Variants in FAM78B observed in about 807,000 individuals in gnomAD.
FAM78B encodes protein FAM78B.
Under a neutral mutation model 20.0 loss-of-function variants are expected in FAM78B, and 10 were observed. That is an observed-to-expected ratio of 0.50 (90% confidence interval 0.31 to 0.85). The LOEUF (loss-of-function observed/expected upper bound fraction) is 0.85. FAM78B is among the 40% of genes least tolerant of loss of function. The pLI is 0.05. For synonymous variants in FAM78B, 135 were observed against 132.8 expected (o/e 1.02, Z -0.12); for missense variants, 283 against 345.0 (o/e 0.82, Z 1.42).
chr1:166,058,372 C>T (rs959793399), exon 3 of FAM78B: 14 of 152,266 alleles, frequency 9.2e-5, no homozygotes, highest in African/African-American at 2.7e-4. Flanking sequence ...TGGTATGGGA[C>T]GCTGGAGAGG....
At position 166,164,455 on chromosome 1, in the gene FAM78B, C is replaced by T. The variant is rs1046783615; in HGVS notation, c.263+1531G>A. On this transcript the variant is annotated intron_variant, in intron 1 of 1. Coordinates refer to ENST00000354422, the MANE Select transcript of FAM78B (RefSeq NM_001017961.5). ...GTCAGTTTTTAAATGGCATGATTCG[C>T]CCCAAATAAAATATCCCCCATTTCT... is the stretch of plus-strand genomic sequence containing the variant. Among the ~76,000 whole-genome samples, 52 of 152,338 alleles carry T rather than the reference C, an allele frequency of 3.4e-4. 1 individual carries two copies. The highest frequency in any genetic ancestry group is 3.1e-3 in the Admixed American group (48 of 15,310).
intron 1 of FAM78B, among the ~76,000 whole-genome samples, chr1:166,080,496 T>A (rs552632891): frequency 6.6e-6 from 1 of 152,358 alleles, no homozygotes; most frequent in Non-Finnish European, 1.5e-5. Context: ...TGCCAGGCAC[T>A]GTCCTGAGAG....
intron 1 of FAM78B, among the ~76,000 whole-genome samples, chr1:166,160,568 A>G (rs1656107926): frequency 6.6e-6 from 1 of 152,248 alleles, no homozygotes; most frequent in Non-Finnish European, 1.5e-5. Context: ...AGCGGAGTTA[A>G]ACTATATATT....
At chr1:166,124,067 T>A (rs1447061238) in intron 1 of FAM78B, among the ~76,000 whole-genome samples, 1 of 152,190 alleles carries the variant, frequency 6.6e-6, no homozygotes, top group Admixed American at 6.5e-5. Context: ...TTTGGCCTCA[T>A]CACTCACTAT....
At chr1:166,159,692 C>G (rs1488701994) in intron 1 of FAM78B, among the ~76,000 whole-genome samples, 1 of 152,204 alleles carries the variant, frequency 6.6e-6, no homozygotes, top group Non-Finnish European at 1.5e-5. Context: ...CCCTGGAATG[C>G]AGATTAATAT....
chr1:166,119,120 T>C (rs1257212065), intron 1 of FAM78B, among the ~76,000 whole-genome samples: 1 of 152,088 alleles, frequency 6.6e-6, no homozygotes, highest in Non-Finnish European at 1.5e-5. Context: ...TCTAAGAGCT[T>C]TGAAGACAAG....
chr1:166,124,482 C>T (rs2101771864), intron 1 of FAM78B, among the ~76,000 whole-genome samples: 1 of 152,338 alleles, frequency 6.6e-6, no homozygotes. Flanking sequence ...GTGGGTACTA[C>T]TAATAGCAAG....
chr1:166,066,708 CTTTT>C (rs1335911432), downstream of FAM78B, among the ~76,000 whole-genome samples: 1 of 152,134 alleles, frequency 6.6e-6, no homozygotes. Context: ...AATCATAGTT[CTTTT>C]ATTTTACTGA....
chr1:166,076,980 G>A (rs964953166), intron 1 of FAM78B, among the ~76,000 whole-genome samples: 1 of 152,140 alleles, frequency 6.6e-6, no homozygotes, highest in African/African-American at 2.4e-5. Flanking sequence ...ACAAAGAAGA[G>A]TATAAAAAGC....
At chr1:166,093,443 T>A (rs1296171957) in intron 1 of FAM78B, among the ~76,000 whole-genome samples, 1 of 152,168 alleles carries the variant, frequency 6.6e-6, no homozygotes, top group Non-Finnish European at 1.5e-5. Flanking sequence ...TCCTTTTATA[T>A]CCTTTTCTCC....
chr1:166,109,844 A>ATATATATATGTATGTG lies in FAM78B; in HGVS notation c.264-39082_264-39081insCACATACATATATATA, dbSNP rs1653945412. 7.5e-5 allele frequency among the ~76,000 whole-genome samples: 2 copies of ATATATATATGTATGTG among 26,504 alleles called. 1 individual carries two copies. Among genetic ancestry groups the ATATATATATGTATGTG allele is most frequent in the Non-Finnish European group, 1.7e-4 (2 of 11,892 alleles). The allele number at this position is 26,504 out of a possible 152,430, so 17.4% of individuals were successfully genotyped here. The stretch of plus-strand genomic sequence containing the variant: ...TATATATATATATGTATATATGTAT[A>ATATATATATGTATGTG]TATATATATATATATATGTATGTGT... On this transcript the variant is annotated intron_variant, in intron 1 of 1. Coordinates refer to ENST00000354422, the MANE Select transcript of FAM78B (RefSeq NM_001017961.5).
intron 1 of FAM78B, among the ~76,000 whole-genome samples, chr1:166,094,565 G>A (rs533326831): frequency 1.8e-4 from 27 of 152,368 alleles, no homozygotes; most frequent in Non-Finnish European, 2.4e-4. Context: ...CAGGGCAGAT[G>A]TTCCTTGACT....
intron 1 of FAM78B, among the ~76,000 whole-genome samples, chr1:166,151,670 C>T (rs535476786): frequency 1.3e-5 from 2 of 152,286 alleles, no homozygotes; most frequent in African/African-American, 4.8e-5. Flanking sequence ...CACAAATACT[C>T]CTCAGTAGGA....
At chr1:166,141,394 A>G (rs187674187) in intron 1 of FAM78B, among the ~76,000 whole-genome samples, 16 of 152,378 alleles carry the variant, frequency 1.1e-4, no homozygotes, top group African/African-American at 3.4e-4. Flanking sequence ...CTCCCTGAAC[A>G]TCTTTATCAT....
chr1:166,114,025 A>T (rs1024367529), intron 1 of FAM78B, among the ~76,000 whole-genome samples: 1 of 152,360 alleles, frequency 6.6e-6, no homozygotes, highest in Middle Eastern at 3.4e-3. Flanking sequence ...CCTGTTAGAC[A>T]TGCAAATCCT....
chr1:166,131,339 G>C (rs1262055360), intron 1 of FAM78B, among the ~76,000 whole-genome samples: 2 of 152,086 alleles, frequency 1.3e-5, no homozygotes, highest in Non-Finnish European at 2.9e-5. Context: ...TCCAAATTAT[G>C]TAAGACAGTG....
In FAM78B at chr1:166,105,592, G is replaced by A. The variant is rs540352626; in HGVS notation, c.264-34829C>T. On this transcript the variant is annotated intron_variant, in intron 1 of 1. Transcript: ENST00000354422. The stretch of plus-strand genomic sequence containing the variant: ...AAAGAAGACATGTATGCAGCCAACA[G>A]ACACATGAAAAAATGCTCATCATCA... Among the ~76,000 whole-genome samples, 7 of 152,284 alleles carry A rather than the reference G, an allele frequency of 4.6e-5. No homozygotes were observed. In the East Asian group the frequency reaches 1.2e-3, roughly 25 times the overall value.
chr1:166,106,809 C>T (rs1042147518), intron 1 of FAM78B, among the ~76,000 whole-genome samples: 2 of 151,908 alleles, frequency 1.3e-5, no homozygotes, highest in African/African-American at 4.8e-5. Flanking sequence ...TCACTTATAC[C>T]CGAAACCTCA....
At chr1:166,075,841 T>C (rs1347076619) in intron 1 of FAM78B, among the ~76,000 whole-genome samples, 2 of 152,204 alleles carry the variant, frequency 1.3e-5, no homozygotes, top group African/African-American at 4.8e-5. Context: ...TCCAAATTTG[T>C]ATCTCTAGGC....
Sources: allele counts gnomAD v4.1 joint callset (sites outside exome capture counted in the v4.1 genomes callset), GRCh38; gene constraint gnomAD v4.1.1; transcripts MANE v1.5; gene names NCBI Gene and HGNC (gene_info 2026-07-23, HGNC 2026-07-21).